The following CEP250 variants were observed in gnomAD, a reference collection of about 807,000 sequenced individuals.
The protein encoded by CEP250 is centrosomal protein 250, also known as centrosome-associated protein CEP250.
Under a neutral mutation model 315.7 loss-of-function variants are expected in CEP250, and 242 were observed. That is an observed-to-expected ratio of 0.77 (90% CI 0.69 to 0.85). CEP250 has a LOEUF of 0.85. Among genes scored for constraint, CEP250 ranks in the 40% least tolerant of loss-of-function variants. CEP250 has a pLI of 0.00. For missense variants in CEP250, 2,515 were observed against 2,886.4 expected (o/e 0.87, Z 2.95); for synonymous variants, 1,088 against 1,175.0 (o/e 0.93, Z 1.51).
rs377374228 is a variant in CEP250 at position 35,518,045 on chromosome 20, CA to C, written c.*6434del. ...CCTGGGCAACAGAGCAAGACTGTCT[CA>C]AAAAAAAAAAAAAAGGAAATTAAAT... is the stretch of plus-strand genomic sequence containing the variant. On this transcript the variant is annotated 3_prime_UTR_variant, in exon 35 of 35. Transcript: ENST00000397527. 4,031 of 94,224 alleles carry C rather than the reference CA, an allele frequency of 0.043. 79 individuals carry two copies. The highest frequency in any genetic ancestry group is 0.17 in the South Asian group (527 of 3,184). 5.8% of individuals were successfully genotyped at this position (94,224 alleles called of 1,614,324 possible).
intron 20 of CEP250, among the ~76,000 whole-genome samples, chr20:35,481,618 A>ATTTTTTTTTT: frequency 8.1e-6 from 1 of 123,646 alleles, no homozygotes; most frequent in Non-Finnish European, 1.8e-5. Context: ...TTCTATTCAG[A>ATTTTTTTTTT]TTTTTTTTTT....
chr20:35,470,355 C>T (rs1029103523), intron 10 of CEP250, among the ~76,000 whole-genome samples: 1 of 152,132 alleles, frequency 6.6e-6, no homozygotes, highest in African/African-American at 2.4e-5. Context: ...AGGAGTATGG[C>T]AATGTTTAGC....
At chr20:35,489,601 C>T (rs1235185872) in intron 20 of CEP250, among the ~76,000 whole-genome samples, 1 of 152,164 alleles carries the variant, frequency 6.6e-6, no homozygotes, top group Non-Finnish European at 1.5e-5. Context: ...CCCAGGCAGC[C>T]CAACTCCAGA....
chr20:35,504,424 C>G lies in CEP250; in HGVS notation c.6055C>G (p.Leu2019Val). ...QAHSRQLEEA[L>V]RIQEGEIQDQ... is the part of the protein sequence containing the mutation. Reference sequence around the variant, plus strand: ...ACACAGTCGGCAGCTGGAGGAGGCTCTGAGGATACAAGAAGGTGAGATCCA... The same window carrying G: ...ACACAGTCGGCAGCTGGAGGAGGCTGTGAGGATACAAGAAGGTGAGATCCA... The change falls in exon 30 of 35, where the codon CTG (leucine) becomes GTG (valine). Residue 2019 changes from leucine to valine, a missense_variant. Physicochemically the swap from Leu to Val is conservative, Grantham distance 32 (BLOSUM62 1). Transcript: ENST00000397527. 1 of 1,609,606 alleles carries G rather than the reference C, an allele frequency of 6.2e-7. No homozygotes were observed. The highest frequency in any genetic ancestry group is 1.3e-5 in the African/African-American group (1 of 74,996).
chr20:35,497,447 A>G (rs1392396097), intron 25 of CEP250, among the ~76,000 whole-genome samples: 1 of 152,238 alleles, frequency 6.6e-6, no homozygotes, highest in East Asian at 1.9e-4. Flanking sequence ...TTCTGGTCAT[A>G]GCAAGGAGCC....
intron 29 of CEP250, 122 bp downstream of exon 29, chr20:35,502,088 A>C: frequency 2.0e-5 from 24 of 1,172,342 alleles, no homozygotes; most frequent in Non-Finnish European, 2.6e-5. Flanking sequence ...GGCTGTCTCC[A>C]TGTCCCTGGG....
In CEP250 at chr20:35,512,034, T is replaced by C. The variant is rs1006497384; in HGVS notation, c.*408T>C. 5.5e-5 allele frequency: 56 copies of C among 1,025,464 alleles called. No individual in the cohort carries two copies. The African/African-American group carries it at 8.2e-4, about 15-fold the overall frequency. 63.5% of individuals were successfully genotyped at this position (1,025,464 alleles called of 1,614,324 possible). ...GGCAGCACCACATCAAGGGAGTTTATCTGGGAAGAACTTGCCAAAGATTCC... is the reference window on the plus strand; with the variant it reads ...GGCAGCACCACATCAAGGGAGTTTACCTGGGAAGAACTTGCCAAAGATTCC... On this transcript the variant is annotated 3_prime_UTR_variant, in exon 35 of 35. Coordinates refer to ENST00000397527, the MANE Select transcript of CEP250 (RefSeq NM_007186.6).
chr20:35,457,057 C>G (rs1228469238), intron 1 of CEP250, among the ~76,000 whole-genome samples: 1 of 152,090 alleles, frequency 6.6e-6, no homozygotes, highest in Non-Finnish European at 1.5e-5. Context: ...GCTGGGATTA[C>G]AGTTGTGAGC....
chr20:35,455,466 G>A (rs925148988), upstream of CEP250: 1 of 152,302 alleles, frequency 6.6e-6, no homozygotes. Context: ...CGGCGCCGAA[G>A]GAGAGCTTCC....
Position 35,474,068 on chromosome 20 carries a change from C to G in CEP250, c.1571+16C>G, listed in dbSNP as rs1406042527. ...GGGAGCGTCTGTAAGTGAGACTAGT[C>G]TCCTCCTCGCTGGGCCCTGGTCTTT... is the stretch of plus-strand genomic sequence containing the variant. On this transcript the variant is annotated intron_variant, in intron 14 of 34. Transcript: ENST00000397527. 1.5e-5 allele frequency: 23 copies of G among 1,502,716 alleles called. No individual in the cohort carries two copies. The highest frequency in any genetic ancestry group is 1.8e-5 in the Non-Finnish European group (20 of 1,128,200). 93.1% of individuals were successfully genotyped at this position (1,502,716 alleles called of 1,614,324 possible).
chr20:35,475,591 T>G lies in CEP250; in HGVS notation c.1661T>G (p.Leu554Arg). Residue 554 changes from leucine (L) to arginine (R), a missense_variant, in exon 15 of 35, where the codon CTG (leucine) becomes CGG (arginine). By Grantham distance (102) the Leu-to-Arg change is moderately radical. Transcript: ENST00000397527. ...CGGGAAGCCCTGGAGTCAAGTCACC[T>G]GGAAGGGGAGTTACTGAGGCAAGAG... The part of the protein sequence containing the change: ...TLREALESSH[L>R]EGELLRQEQT... 6.2e-7 allele frequency: 1 copy of G among 1,614,126 alleles called. No individual in the cohort carries two copies. Among genetic ancestry groups the G allele is most frequent in the Non-Finnish European group, 8.5e-7 (1 of 1,180,014 alleles).
chr20:35,493,676 T>C, intron 23 of CEP250, 104 bp downstream of exon 23: 1 of 1,135,864 alleles, frequency 8.8e-7, no homozygotes, highest in South Asian at 1.9e-5. Flanking sequence ...TGCTGCCTGG[T>C]TTGGGAGGGT....
chr20:35,516,952 C>A lies in CEP250; in HGVS notation c.*5326C>A. 1.0e-6 allele frequency: 1 copy of A among 985,218 alleles called. No individual in the cohort carries two copies. Among genetic ancestry groups the A allele is most frequent in the Non-Finnish European group, 1.2e-6 (1 of 829,688 alleles). 61.0% of individuals were successfully genotyped at this position (985,218 alleles called of 1,614,324 possible). A position where few individuals can be genotyped will look rare whatever the true frequency, so the allele number is the denominator to read the frequency against. On this transcript the variant is annotated 3_prime_UTR_variant, in exon 35 of 35. Transcript: ENST00000397527. ...ACAGGTGAGCATAAGCTCAAACCCCCCCATTGAAGGCTACATTCTTGTCCC... is the reference window on the plus strand; with the variant it reads ...ACAGGTGAGCATAAGCTCAAACCCCACCATTGAAGGCTACATTCTTGTCCC...
At chr20:35,494,031 G>A (rs1197756318) in intron 23 of CEP250, among the ~76,000 whole-genome samples, 2 of 152,136 alleles carry the variant, frequency 1.3e-5, no homozygotes, top group African/African-American at 2.4e-5. Flanking sequence ...CGCCCGGGCT[G>A]AAGTGCAGAT....
chr20:35,462,634 G>A (rs1206398665), intron 4 of CEP250, 81 bp downstream of exon 4: 4 of 1,282,368 alleles, frequency 3.1e-6, no homozygotes, highest in Non-Finnish European at 4.3e-6. Flanking sequence ...GGTTGCAGGA[G>A]GCAGAGTCTT....
chr20:35,486,408 ATT>A (rs948174901), intron 20 of CEP250, among the ~76,000 whole-genome samples: 7 of 142,498 alleles, frequency 4.9e-5, no homozygotes, highest in Admixed American at 7.0e-5. Context: ...TGCCTGGCTA[ATT>A]TTTTTTTTTT....
At position 35,490,661 on chromosome 20, in the gene CEP250, C is replaced by T; in HGVS notation, c.2611C>T (p.Gln871Ter). ...KWEKERSWHQ[Q>*]ELAKALESLE... ...GGAGAAGGAGCGCTCCTGGCACCAGCAGGAGCTGGCAAAGGCTCTGGAGAG... is the reference window on the plus strand; with the variant it reads ...GGAGAAGGAGCGCTCCTGGCACCAGTAGGAGCTGGCAAAGGCTCTGGAGAG... The change falls in exon 21 of 35, where the codon CAG (glutamine) becomes TAG (stop). Residue 871 changes from glutamine (Q) to a stop codon, truncating the protein, a stop_gained. Coordinates refer to ENST00000397527, the MANE Select transcript of CEP250 (RefSeq NM_007186.6). LOFTEE classifies it high-confidence loss of function. 6.2e-7 allele frequency: 1 copy of T among 1,613,606 alleles called. No homozygotes were observed. The highest frequency in any genetic ancestry group is 1.1e-5 in the South Asian group (1 of 91,060).
In CEP250 at chr20:35,462,548, G is replaced by A. The variant is rs755026501; in HGVS notation, c.181G>A (p.Ala61Thr). The change falls in exon 4 of 35, where the codon GCC becomes ACC. Residue 61 changes from alanine (A) to threonine (T), a missense_variant. By Grantham distance (58) the Ala-to-Thr change is moderately conservative. Coordinates refer to ENST00000397527, the MANE Select transcript of CEP250 (RefSeq NM_007186.6). The part of the protein sequence containing the change: ...RQATLVRKLQ[A>T]KVLQYRSWCQ... ...AGCAACCCTTGTGAGGAAGCTGCAGGCCAAGGTGAGGCAGCTGCCCTTTTG... is the reference window on the plus strand; with the variant it reads ...AGCAACCCTTGTGAGGAAGCTGCAGACCAAGGTGAGGCAGCTGCCCTTTTG... The A allele has an allele frequency of 1.9e-6, 3 of 1,599,866 alleles. No individual in the cohort carries two copies. Among genetic ancestry groups the A allele is most frequent in the Non-Finnish European group, 8.5e-7 (1 of 1,172,958 alleles).
intron 15 of CEP250, chr20:35,476,172 A>AT (rs770037282): frequency 1.1e-4 from 34 of 319,144 alleles, no homozygotes; most frequent in Non-Finnish European, 1.6e-4. Flanking sequence ...CTATATTAAT[A>AT]TTTTTTTTAG....
Sources: gnomAD v4.1 joint callset for allele counts (sites outside exome capture counted in the v4.1 genomes callset) on GRCh38, gnomAD v4.1.1 for gene constraint, MANE v1.5 for transcripts, NCBI Gene and HGNC (gene_info 2026-07-23, HGNC 2026-07-21) for gene names.